CWC27: variants seen among roughly 807,000 people sequenced by gnomAD.
CWC27 encodes the protein spliceosome-associated protein CWC27 homolog.
A neutral mutation model predicts 63.6 loss-of-function variants in CWC27; 47 were observed. The ratio of observed to expected loss-of-function variants is 0.74; its 90% CI spans 0.58 to 0.94. The LOEUF (loss-of-function observed/expected upper bound fraction) is 0.94. Among genes scored for constraint, CWC27 ranks in the 40% least tolerant of loss-of-function variants. The pLI, the probability that CWC27 is intolerant of heterozygous loss-of-function variation, is 0.00. For missense variants in CWC27, 495 were observed against 554.3 expected (o/e 0.89, Z 1.07); for synonymous variants, 175 against 179.8 (o/e 0.97, Z 0.22).
At chr5:65,000,795 C>T (rs1429344468) in intron 13 of CWC27, among the ~76,000 whole-genome samples, 1 of 151,980 alleles carries the variant, frequency 6.6e-6, no homozygotes, top group Admixed American at 6.6e-5. Flanking sequence ...CTCGGTATTG[C>T]TATGGCTATT....
intron 13 of CWC27, among the ~76,000 whole-genome samples, chr5:65,006,882 A>T (rs1749851084): frequency 6.6e-6 from 1 of 151,870 alleles, no homozygotes; most frequent in African/African-American, 2.4e-5. Flanking sequence ...ATGTACAATA[A>T]ACCCCCATGA....
At chr5:64,814,243 GCA>G (rs1161492641) in intron 10 of CWC27, among the ~76,000 whole-genome samples, 1 of 152,012 alleles carries the variant, frequency 6.6e-6, no homozygotes, top group Non-Finnish European at 1.5e-5. Flanking sequence ...CTTCGGTTTT[GCA>G]CAGTCATTTA....
chr5:64,808,735 TG>T (rs1744774832), intron 10 of CWC27, among the ~76,000 whole-genome samples: 1 of 152,124 alleles, frequency 6.6e-6, no homozygotes, highest in Non-Finnish European at 1.5e-5. Flanking sequence ...TTAAACTTTG[TG>T]GAATGAGTGG....
At chr5:64,790,317 G>T (rs1182098324) in intron 7 of CWC27, among the ~76,000 whole-genome samples, 1 of 152,004 alleles carries the variant, frequency 6.6e-6, no homozygotes, top group Non-Finnish European at 1.5e-5. Context: ...ATTCCTTAAC[G>T]TCACCAATCA....
chr5:64,867,816 G>A (rs1011691470), intron 10 of CWC27, among the ~76,000 whole-genome samples: 1 of 151,906 alleles, frequency 6.6e-6, no homozygotes, highest in Admixed American at 6.6e-5. Context: ...CACAACATTA[G>A]GGCTTATCTC....
At chr5:64,912,124 AGG>A (rs1335893702) in intron 11 of CWC27, among the ~76,000 whole-genome samples, 6 of 151,738 alleles carry the variant, frequency 4.0e-5, no homozygotes, top group Non-Finnish European at 8.8e-5. Flanking sequence ...AGACCTGTAT[AGG>A]TATATAGCTT....
intron 10 of CWC27, among the ~76,000 whole-genome samples, chr5:64,873,462 A>G (rs1390856092): frequency 6.6e-6 from 1 of 151,968 alleles, no homozygotes; most frequent in African/African-American, 2.4e-5. Context: ...TTCTCTCTTA[A>G]ATTAAGGTAG....
chr5:64,877,250 A>G (rs986465134), intron 10 of CWC27, among the ~76,000 whole-genome samples: 3 of 152,084 alleles, frequency 2.0e-5, no homozygotes, highest in Admixed American at 6.5e-5. Context: ...ATGAAATCCT[A>G]TCATTTGCAG....
At chr5:64,969,872 C>T (rs1052689620) in intron 11 of CWC27, among the ~76,000 whole-genome samples, 3 of 151,986 alleles carry the variant, frequency 2.0e-5, no homozygotes, top group Admixed American at 6.5e-5. Context: ...AAGGAGGAGC[C>T]GGAATTAAGC....
intron 7 of CWC27, among the ~76,000 whole-genome samples, chr5:64,797,545 A>G (rs1203921038): frequency 4.6e-5 from 7 of 152,180 alleles, no homozygotes; most frequent in Non-Finnish European, 7.4e-5. Context: ...GGTTCCTCCT[A>G]TTGTCAAGTC....
At chr5:64,896,079 T>A (rs902359100) in intron 11 of CWC27, among the ~76,000 whole-genome samples, 7 of 152,200 alleles carry the variant, frequency 4.6e-5, no homozygotes, top group African/African-American at 1.4e-4. Flanking sequence ...CAGTCCTAGA[T>A]GCATTATGAT....
chr5:64,927,134 A>T (rs1433487138), intron 11 of CWC27, among the ~76,000 whole-genome samples: 1 of 152,120 alleles, frequency 6.6e-6, no homozygotes, highest in Non-Finnish European at 1.5e-5. Context: ...AAGCTGAAAA[A>T]TTTTAGTTCA....
chr5:64,785,533 A>T lies in CWC27; in HGVS notation c.449A>T (p.Asp150Val). The change falls in exon 5 of 14, where the codon GAT becomes GTT. Residue 150 changes from aspartate (D) to valine (V), a missense_variant. Physicochemically the swap from Asp to Val is radical, Grantham distance 152. This residue lies in a region of CWC27 where 463 missense variants were observed against 498.1 expected (regional missense o/e 0.93). Transcript: ENST00000381070. ...TTGCGACTGTCAGAAGTAGACATTG[A>T]TGATGACGAAAGACCACATAATCCA... ...NMLRLSEVDIDDDERPHNPHK... is the reference protein window; with the variant it reads ...NMLRLSEVDIVDDERPHNPHK... 1.3e-5 allele frequency: 20 copies of T among 1,580,058 alleles called. No individual in the cohort carries two copies. The highest frequency in any genetic ancestry group is 1.6e-5 in the Non-Finnish European group (19 of 1,167,618).
chr5:64,838,622 A>G (rs79077507), intron 10 of CWC27, among the ~76,000 whole-genome samples: 2,542 of 152,282 alleles, frequency 0.017, 69 homozygotes, highest in African/African-American at 0.059. Flanking sequence ...CAGCAAGGAC[A>G]TGTTCTCATC....
At chr5:65,015,340 T>G (rs1460407411) in intron 13 of CWC27, among the ~76,000 whole-genome samples, 1 of 152,208 alleles carries the variant, frequency 6.6e-6, no homozygotes, top group Non-Finnish European at 1.5e-5. Context: ...GGATAATTTT[T>G]TAAATAGAAG....
At chr5:64,862,992 A>G (rs905744281) in intron 10 of CWC27, among the ~76,000 whole-genome samples, 1 of 152,060 alleles carries the variant, frequency 6.6e-6, no homozygotes, top group Non-Finnish European at 1.5e-5. Flanking sequence ...GGACCTACTC[A>G]CCTTCCAAAG....
intron 11 of CWC27, among the ~76,000 whole-genome samples, chr5:64,971,410 G>GT (rs1749122820): frequency 1.3e-5 from 2 of 152,178 alleles, no homozygotes; most frequent in Admixed American, 6.5e-5. Context: ...TATTTTAGAA[G>GT]TGAGATAGAT....
intron 11 of CWC27, among the ~76,000 whole-genome samples, chr5:64,906,045 T>C (rs1747630992): frequency 6.6e-6 from 1 of 152,206 alleles, no homozygotes; most frequent in East Asian, 1.9e-4. Flanking sequence ...TTCCATGTTG[T>C]ATATGTGCCA....
At chr5:64,784,260 A>G (rs767724027) in intron 4 of CWC27, among the ~76,000 whole-genome samples, 1 of 152,178 alleles carries the variant, frequency 6.6e-6, no homozygotes, top group Non-Finnish European at 1.5e-5. Context: ...AAAATGTGCC[A>G]CTTAGCCAAT....
Sources: gnomAD v4.1 joint callset for allele counts (sites outside exome capture counted in the v4.1 genomes callset) on GRCh38, gnomAD v4.1.1 for gene constraint, gnomAD v4.1.1 regional missense constraint, MANE v1.5 for transcripts, NCBI Gene and HGNC (gene_info 2026-07-23, HGNC 2026-07-21) for gene names.